Variants in LDLRAD4 observed in about 807,000 individuals in gnomAD.
LDLRAD4 encodes the protein low-density lipoprotein receptor class A domain-containing protein 4.
Under a neutral mutation model 17.0 loss-of-function variants are expected in LDLRAD4, and 5 were observed. The observed-to-expected ratio is 0.29, with a 90% CI of 0.15 to 0.62. The LOEUF is 0.62. Among genes scored for constraint, LDLRAD4 ranks in the 20% least tolerant of loss-of-function variants. The pLI is 0.84. For synonymous variants in LDLRAD4, 168 were observed against 171.8 expected (o/e 0.98, Z 0.17); for missense variants, 340 against 424.7 (o/e 0.80, Z 1.75).
chr18:13,518,541 A>C (rs569741812), intron 3 of LDLRAD4, among the ~76,000 whole-genome samples: 23 of 152,048 alleles, frequency 1.5e-4, no homozygotes, highest in African/African-American at 5.5e-4. Flanking sequence ...GTCTCATTAA[A>C]CTTCCCGTGT....
chr18:13,394,785 A>G (rs1173470113), intron 2 of LDLRAD4, among the ~76,000 whole-genome samples: 2 of 152,214 alleles, frequency 1.3e-5, no homozygotes, highest in African/African-American at 2.4e-5. Flanking sequence ...TGCATGTCTC[A>G]TTAGGTTCTT....
At chr18:13,225,048 C>T (rs144879213) in intron 1 of LDLRAD4, among the ~76,000 whole-genome samples, 2 of 151,758 alleles carry the variant, frequency 1.3e-5, no homozygotes, top group Middle Eastern at 3.5e-3. Flanking sequence ...GTTGGCCAGG[C>T]TGGTTTCTCA....
intron 3 of LDLRAD4, among the ~76,000 whole-genome samples, chr18:13,591,903 A>T (rs535549578): frequency 1.3e-5 from 2 of 152,326 alleles, no homozygotes; most frequent in Admixed American, 6.5e-5. Context: ...TAATTATAAC[A>T]TTTTATAGAT....
At chr18:13,567,623 T>A (rs1050785688) in intron 3 of LDLRAD4, among the ~76,000 whole-genome samples, 2 of 152,232 alleles carry the variant, frequency 1.3e-5, no homozygotes, top group Non-Finnish European at 2.9e-5. Context: ...CTAAACTGCT[T>A]TTCTCTTTCC....
intron 3 of LDLRAD4, among the ~76,000 whole-genome samples, chr18:13,568,065 T>TGGGGGGGG (rs200026586): frequency 1.5e-5 from 2 of 131,180 alleles, no homozygotes; most frequent in African/African-American, 5.7e-5. Flanking sequence ...AGGTGGGGGG[T>TGGGGGGGG]GGGGGGATCA....
intron 3 of LDLRAD4, among the ~76,000 whole-genome samples, chr18:13,543,885 G>C (rs947845908): frequency 1.5e-4 from 23 of 152,256 alleles, no homozygotes; most frequent in Admixed American, 2.0e-4. Context: ...CAGGGCTGCT[G>C]GGAGGATTAG....
rs554853544 is a variant in LDLRAD4 at position 13,357,215 on chromosome 18, G to GCTCTCT, written c.-382-30125_-382-30120dup. On this transcript the variant is annotated intron_variant, in intron 1 of 5. Coordinates refer to ENST00000359446, the Ensembl canonical transcript of LDLRAD4. ...TTTAAGTTTCCATTTTAACAGGCAGGCTCTCTACTTCCTTATTTTCCTTGA... is the reference window on the plus strand; with the variant it reads ...TTTAAGTTTCCATTTTAACAGGCAGGCTCTCTCTCTCTACTTCCTTATTTTCCTTGA... Among the ~76,000 whole-genome samples, 24 of 152,156 alleles carry GCTCTCT rather than the reference G, an allele frequency of 1.6e-4. No individual in the cohort carries two copies. The South Asian group carries it at 4.8e-3, about 30-fold the overall frequency.
At chr18:13,218,184 G>C (rs1423533621), upstream of LDLRAD4, 1 of 152,370 alleles carries the variant, frequency 6.6e-6, no homozygotes, top group East Asian at 1.9e-4. Context: ...CGGGGGACTC[G>C]GGAACCGGAC....
In LDLRAD4 at chr18:13,578,606, G is replaced by A. The variant is rs532738048; in HGVS notation, c.182-42511G>A. ...AAGAAGGCGTGCCCACCTGGGAGAA[G>A]TGACAGTGGCGATCTTATAGAGCCT... On this transcript the variant is annotated intron_variant, in intron 3 of 5. Coordinates refer to ENST00000359446, the Ensembl canonical transcript of LDLRAD4. Among the ~76,000 whole-genome samples, 29 of 152,326 alleles carry A rather than the reference G, an allele frequency of 1.9e-4. 1 individual carries two copies. The South Asian group carries it at 4.8e-3, about 25-fold the overall frequency.
intron 3 of LDLRAD4, among the ~76,000 whole-genome samples, chr18:13,608,157 T>C (rs1293971963): frequency 1.2e-4 from 4 of 34,430 alleles, no homozygotes; most frequent in East Asian, 4.9e-3. Context: ...AACAAACATA[T>C]GAAAAAAAAA....
intron 3 of LDLRAD4, among the ~76,000 whole-genome samples, chr18:13,606,895 G>A (rs1454065689): frequency 3.3e-5 from 5 of 152,172 alleles, no homozygotes; most frequent in Non-Finnish European, 7.3e-5. Context: ...GCATTAACAG[G>A]CAGACGAGAC....
chr18:13,412,051 C>A (rs148100780), intron 2 of LDLRAD4, among the ~76,000 whole-genome samples: 2 of 152,194 alleles, frequency 1.3e-5, no homozygotes, highest in African/African-American at 4.8e-5. Flanking sequence ...ACTATGTTGC[C>A]CAGGCTGGTC....
chr18:13,437,813 G>A (rs561500443), intron 2 of LDLRAD4, among the ~76,000 whole-genome samples: 4 of 152,336 alleles, frequency 2.6e-5, no homozygotes, highest in East Asian at 3.9e-4. Flanking sequence ...TTAAGCCAGC[G>A]CTCCTGAGTT....
chr18:13,470,426 C>T (rs558994940), intron 3 of LDLRAD4, among the ~76,000 whole-genome samples: 54 of 151,550 alleles, frequency 3.6e-4, no homozygotes, highest in Non-Finnish European at 4.9e-4. Flanking sequence ...CTCATCCTTC[C>T]GCCGGCACCT....
intron 3 of LDLRAD4, among the ~76,000 whole-genome samples, chr18:13,547,966 A>G (rs959383255): frequency 9.9e-5 from 15 of 152,166 alleles, no homozygotes; most frequent in Admixed American, 9.2e-4. Flanking sequence ...ATCCAGAAGA[A>G]CGAGGTACCC....
In LDLRAD4 at chr18:13,576,453, G is replaced by A. The variant is rs1601502699; in HGVS notation, c.182-44664G>A. 6.7e-5 allele frequency among the ~76,000 whole-genome samples: 10 copies of A among 148,430 alleles called. No individual in the cohort carries two copies. The South Asian group carries it at 1.9e-3, about 29-fold the overall frequency. On this transcript the variant is annotated intron_variant, in intron 3 of 5. Coordinates refer to ENST00000359446, the Ensembl canonical transcript of LDLRAD4. ...AAAAAAAAAAAAAGAAAGAAAGAAAGAAAGAAATAAAGTGGATTCCTCTTC... is the reference window on the plus strand; with the variant it reads ...AAAAAAAAAAAAAGAAAGAAAGAAAAAAAGAAATAAAGTGGATTCCTCTTC...
chr18:13,578,928 C>T (rs1443592549), intron 3 of LDLRAD4, among the ~76,000 whole-genome samples: 11 of 143,764 alleles, frequency 7.7e-5, no homozygotes, highest in African/African-American at 2.8e-4. Context: ...CAGTGGCTCA[C>T]GCCTATAATC....
chr18:13,523,240 G>A (rs2093980075), intron 3 of LDLRAD4, among the ~76,000 whole-genome samples: 1 of 152,352 alleles, frequency 6.6e-6, no homozygotes, highest in South Asian at 2.1e-4. Context: ...TTTGGTAGAT[G>A]TAATTGACAT....
chr18:13,375,364 T>C (rs2084827706), intron 1 of LDLRAD4, among the ~76,000 whole-genome samples: 1 of 152,268 alleles, frequency 6.6e-6, no homozygotes, highest in African/African-American at 2.4e-5. Context: ...TTATTTCTTG[T>C]ATGGTTTTAT....
Sources: gnomAD v4.1 joint callset for allele counts (sites outside exome capture counted in the v4.1 genomes callset) on GRCh38, gnomAD v4.1.1 for gene constraint, MANE v1.5 for transcripts, NCBI Gene and HGNC (gene_info 2026-07-23, HGNC 2026-07-21) for gene names.